Variants in CR1 observed in about 807,000 individuals in gnomAD.
CR1 encodes complement C3b/C4b receptor 1 (Knops blood group).
CR1 carries 116 observed loss-of-function variants against 187.3 expected under a neutral mutation model. That is an observed-to-expected ratio of 0.62 (90% CI 0.53 to 0.72). The LOEUF is 0.72. Ranked by LOEUF, CR1 falls within the 30% of genes least tolerant of loss-of-function variation. The pLI is 0.00. For missense variants in CR1, 1,731 were observed against 2,110.7 expected (o/e 0.82, Z 3.52); for synonymous variants, 576 against 747.1 (o/e 0.77, Z 3.73).
intron 4 of CR1, among the ~76,000 whole-genome samples, chr1:207,518,734 T>C (rs1025803396): frequency 1.3e-5 from 2 of 152,210 alleles, no homozygotes; most frequent in African/African-American, 2.4e-5. Context: ...TGTCCTTTGC[T>C]CTTCTGTCTC....
chr1:207,637,008 A>G (rs564083257), intron 46 of CR1, among the ~76,000 whole-genome samples: 2 of 152,344 alleles, frequency 1.3e-5, no homozygotes, highest in East Asian at 3.9e-4. Flanking sequence ...TTAGACTGGA[A>G]TTTAGGTTGA....
At chr1:207,519,127 C>A (rs779281854) in intron 4 of CR1, among the ~76,000 whole-genome samples, 4 of 152,026 alleles carry the variant, frequency 2.6e-5, no homozygotes, top group South Asian at 2.1e-4. Flanking sequence ...ATTAATACAG[C>A]TATATAAGCT....
chr1:207,584,595 T>G, intron 32 of CR1, 54 bp from the exon 33 acceptor site: 1 of 1,575,284 alleles, frequency 6.3e-7, no homozygotes, highest in East Asian at 2.2e-5. Flanking sequence ...AGAATCACCT[T>G]GGATTATACT....
intron 40 of CR1, among the ~76,000 whole-genome samples, chr1:207,615,968 A>G (rs1662079358): frequency 6.6e-6 from 1 of 152,208 alleles, no homozygotes; most frequent in Non-Finnish European, 1.5e-5. Context: ...GAACTGTTCT[A>G]AGCAGACTAA....
At chr1:207,619,848 T>G (rs993528460) in intron 42 of CR1, 32 bp from the exon 43 acceptor site, 1 of 1,532,986 alleles carries the variant, frequency 6.5e-7, no homozygotes, top group African/African-American at 1.4e-5. Context: ...AACAATAAAA[T>G]ATCAATTTCT....
chr1:207,596,365 G>C (rs924760431), intron 35 of CR1, among the ~76,000 whole-genome samples: 14 of 152,228 alleles, frequency 9.2e-5, no homozygotes, highest in Admixed American at 2.6e-4. Flanking sequence ...TGTAATCCCA[G>C]CACTTTGGGA....
Position 207,506,997 on chromosome 1 carries a change from A to G in CR1, c.401+184A>G, listed in dbSNP as rs955647984. The G allele has an allele frequency of 5.9e-5, 32 of 541,854 alleles. No homozygotes were observed. In the African/African-American group the frequency reaches 6.2e-4, roughly 11 times the overall value. 33.6% of individuals were successfully genotyped at this position (541,854 alleles called of 1,614,324 possible). On this transcript the variant is annotated intron_variant, in intron 3 of 46. Transcript: ENST00000367049. ...GGTATGACAAGATCGGGGGAAAATC[A>G]TCTGTATCCTTGCTGGAAACCAAGG... is the stretch of plus-strand genomic sequence containing the variant.
intron 37 of CR1, among the ~76,000 whole-genome samples, chr1:207,610,907 C>T (rs1459959010): frequency 1.3e-5 from 2 of 151,950 alleles, no homozygotes; most frequent in Non-Finnish European, 2.9e-5. Context: ...GTATCCATGC[C>T]CTTAAGCATT....
At chr1:207,589,281 C>A (rs533855175) in intron 35 of CR1, among the ~76,000 whole-genome samples, 31 of 152,214 alleles carry the variant, frequency 2.0e-4, no homozygotes, top group African/African-American at 7.5e-4. Context: ...GTAGCCACAC[C>A]AAAAGCCATT....
intron 4 of CR1, 133 bp downstream of exon 4, chr1:207,511,787 G>A (rs1323424259): frequency 2.5e-5 from 19 of 766,206 alleles, no homozygotes; most frequent in Admixed American, 1.3e-4. Flanking sequence ...TAATGTTCTC[G>A]AATATTCCTA....
chr1:207,639,127 A>G (rs1476854723), intron 46 of CR1, among the ~76,000 whole-genome samples: 2 of 152,240 alleles, frequency 1.3e-5, no homozygotes, highest in Non-Finnish European at 2.9e-5. Context: ...TTAGAATGAC[A>G]TTGACTAGCC....
intron 4 of CR1, among the ~76,000 whole-genome samples, chr1:207,521,711 C>A (rs1483182436): frequency 2.8e-5 from 4 of 142,670 alleles, no homozygotes; most frequent in African/African-American, 1.0e-4. Context: ...TAGCTCACTG[C>A]AGCCTCAACC....
At chr1:207,583,816 A>G (rs1558247569) in intron 32 of CR1, among the ~76,000 whole-genome samples, 1 of 152,186 alleles carries the variant, frequency 6.6e-6, no homozygotes, top group Non-Finnish European at 1.5e-5. Flanking sequence ...CATGAACCCA[A>G]CATATACCTG....
chr1:207,591,666 G>GT (rs1158257521), intron 35 of CR1, among the ~76,000 whole-genome samples: 1 of 152,000 alleles, frequency 6.6e-6, no homozygotes, highest in Non-Finnish European at 1.5e-5. Flanking sequence ...CCAGGAGCTG[G>GT]TTTTTTGAAA....
At position 207,609,590 on chromosome 1, in the gene CR1, G is replaced by A. The variant is rs369185924; in HGVS notation, c.6197G>A (p.Arg2066Lys). Residue 2066 changes from arginine to lysine, a missense_variant, in exon 37 of 47, where the codon AGA becomes AAA. This residue lies in a region of CR1 where 1,312 missense variants were observed against 1,379.6 expected (regional missense o/e 0.95). Transcript: ENST00000367049. ...RSFFTLTEII[R>K]FRCQPGFVMV... ...TTCTTTACCCTCACTGAGATCATCA[G>A]ATTTAGATGTCAGCCCGGGTTTGTC... 3 of 1,613,234 alleles carry A rather than the reference G, an allele frequency of 1.9e-6. No homozygotes were observed. Among genetic ancestry groups the A allele is most frequent in the African/African-American group, 2.7e-5 (2 of 74,904 alleles).
intron 4 of CR1, among the ~76,000 whole-genome samples, chr1:207,511,959 T>C (rs1025903587): frequency 6.6e-6 from 1 of 152,222 alleles, no homozygotes; most frequent in Admixed American, 6.5e-5. Flanking sequence ...ATCATCTTGC[T>C]TGGCAAATCA....
At chr1:207,508,955 C>T (rs1478646040) in intron 3 of CR1, among the ~76,000 whole-genome samples, 1 of 152,170 alleles carries the variant, frequency 6.6e-6, no homozygotes, top group African/African-American at 2.4e-5. Flanking sequence ...GTGCTGACCC[C>T]ATTCATTTGG....
intron 46 of CR1, among the ~76,000 whole-genome samples, chr1:207,635,616 G>A (rs1054285890): frequency 3.9e-5 from 6 of 151,976 alleles, no homozygotes; most frequent in Admixed American, 3.9e-4. Flanking sequence ...CAGCAACGAG[G>A]CGTTCCTTCC....
intron 44 of CR1, among the ~76,000 whole-genome samples, chr1:207,622,598 A>G (rs1662346004): frequency 6.6e-6 from 1 of 152,228 alleles, no homozygotes; most frequent in Admixed American, 6.5e-5. Context: ...TTAACAATCA[A>G]TAAATGGACA....
Sources: gnomAD v4.1 joint callset for allele counts (sites outside exome capture counted in the v4.1 genomes callset) on GRCh38, gnomAD v4.1.1 for gene constraint, gnomAD v4.1.1 regional missense constraint, MANE v1.5 for transcripts, NCBI Gene and HGNC (gene_info 2026-07-23, HGNC 2026-07-21) for gene names.